Variants in BLCAP observed in about 807,000 individuals in gnomAD.
The protein encoded by BLCAP is BLCAP apoptosis inducing factor, also known as apoptosis inducing factor BLCAP.
Under a neutral mutation model 5.7 loss-of-function variants are expected in BLCAP, and 1 was observed. The ratio of observed to expected loss-of-function variants is 0.18; its 90% CI spans 0.06 to 0.83. The LOEUF (loss-of-function observed/expected upper bound fraction) is 0.83, where lower values mean the gene tolerates loss of function less well. Ranked by LOEUF, BLCAP falls within the 40% of genes least tolerant of loss-of-function variation. BLCAP has a pLI of 0.71. For missense variants in BLCAP, 66 were observed against 107.6 expected (o/e 0.61, Z 1.71); for synonymous variants, 48 against 49.4 (o/e 0.97, Z 0.11).
At position 37,521,629 on chromosome 20, in the gene BLCAP, A is replaced by C; in HGVS notation, c.-176-2279T>G. ...CGCCCGCGCCTGCCAGGGAACAAAG[A>C]CTCGGGGCGCGGCGGGCGACCGCTG... On this transcript the variant is annotated intron_variant, in intron 1 of 1. Transcript: ENST00000373537. This position sits in a 1 kb window ranked among gnomAD's most constrained non-coding sequence, Gnocchi z 4.5. The C allele has an allele frequency of 1.8e-6, 1 of 541,786 alleles. No individual in the cohort carries two copies. The highest frequency in any genetic ancestry group is 3.3e-6 in the Non-Finnish European group (1 of 302,918). The allele number at this position is 541,786 out of a possible 1,614,324, so 33.6% of individuals were successfully genotyped here. A position where few individuals can be genotyped will look rare whatever the true frequency, so the allele number is the denominator to read the frequency against.
chr20:37,521,183 C>G lies in BLCAP; in HGVS notation c.-176-1833G>C, dbSNP rs959242390. 5.2e-6 allele frequency: 4 copies of G among 767,824 alleles called. No homozygotes were observed. The highest frequency in any genetic ancestry group is 9.1e-6 in the Non-Finnish European group (4 of 441,230). 47.6% of individuals were successfully genotyped at this position (767,824 alleles called of 1,614,324 possible). A position where few individuals can be genotyped will look rare whatever the true frequency, so the allele number is the denominator to read the frequency against. Reference sequence around the variant, plus strand: ...CCAGCCACCCCTCCTCATAAACACCCCCCAAGGCGCGCATGCGCACTTAGG... The same window carrying G: ...CCAGCCACCCCTCCTCATAAACACCGCCCAAGGCGCGCATGCGCACTTAGG... On this transcript the variant is annotated intron_variant, in intron 1 of 1. Coordinates refer to ENST00000373537, the MANE Select transcript of BLCAP (RefSeq NM_006698.4). This position sits in a 1 kb window ranked among gnomAD's most constrained non-coding sequence, Gnocchi z 4.5.
intron 1 of BLCAP, chr20:37,520,596 T>TG (rs2071533845): frequency 6.6e-6 from 1 of 152,216 alleles, no homozygotes; most frequent in African/African-American, 2.4e-5. Context: ...AGATACCGGG[T>TG]GACTACTGCT....
intron 1 of BLCAP, chr20:37,522,269 T>C (rs1043453247): frequency 1.9e-5 from 19 of 991,674 alleles, no homozygotes; most frequent in Non-Finnish European, 2.8e-5. Context: ...GCTTTGCCCA[T>C]AAAATCATTT....
chr20:37,522,526 A>C, intron 1 of BLCAP: 1 of 1,381,586 alleles, frequency 7.2e-7, no homozygotes, highest in Non-Finnish European at 9.9e-7. Flanking sequence ...ACTCGTGGAC[A>C]AGCTGCGCCC....
chr20:37,522,243 T>C (rs945124667), intron 1 of BLCAP: 4 of 588,950 alleles, frequency 6.8e-6, no homozygotes, highest in African/African-American at 5.7e-5. Context: ...TAAAAAGAGA[T>C]AAATCAGAAG....
At chr20:37,522,525 C>T (rs1044264463) in intron 1 of BLCAP, 324 of 1,418,388 alleles carry the variant, frequency 2.3e-4, no homozygotes, top group Non-Finnish European at 2.9e-4. Context: ...GACTCGTGGA[C>T]AAGCTGCGCC....
chr20:37,522,381 C>T, intron 1 of BLCAP: 1 of 1,613,928 alleles, frequency 6.2e-7, no homozygotes, highest in Middle Eastern at 1.7e-4. Flanking sequence ...GCTGCATTTA[C>T]TGGGTAGGAT....
chr20:37,522,928 G>C, intron 1 of BLCAP: 1 of 592,736 alleles, frequency 1.7e-6, no homozygotes, highest in Non-Finnish European at 3.0e-6. Flanking sequence ...AAGCAGTACC[G>C]ACAATGACGA....
intron 1 of BLCAP, among the ~76,000 whole-genome samples, chr20:37,522,011 A>C (rs548718056): frequency 6.6e-6 from 1 of 151,948 alleles, no homozygotes; most frequent in South Asian, 2.1e-4. Context: ...TTGGCAGAAA[A>C]AAATGCATTA....
rs2071474120 is a variant in BLCAP, at chr20:37,519,278, A to G, written c.-104T>C. 1.5e-6 allele frequency: 2 copies of G among 1,365,706 alleles called. No individual in the cohort carries two copies. Among genetic ancestry groups the G allele is most frequent in the African/African-American group, 1.5e-5 (1 of 68,374 alleles). The allele number at this position is 1,365,706 out of a possible 1,614,324, so 84.6% of individuals were successfully genotyped here. On this transcript the variant is annotated 5_prime_UTR_variant, in exon 2 of 2. Coordinates refer to ENST00000373537, the MANE Select transcript of BLCAP (RefSeq NM_006698.4). ...AGGCGGCTGCCCTCCGCTTTCTTCA[A>G]CCCTCACTCTCCAGGAGCTGAGCCG...
In BLCAP at chr20:37,519,326, C is replaced by T. The variant is rs2071475807; in HGVS notation, c.-152G>A. ...CCGCTGTGCTCTCTGGCTGTCAGCC[C>T]GGGATCACCAAGGCAGCAGGGATCC... On this transcript the variant is annotated 5_prime_UTR_variant, in exon 2 of 2. Coordinates refer to ENST00000373537, the MANE Select transcript of BLCAP (RefSeq NM_006698.4). 3 of 817,588 alleles carry T rather than the reference C, an allele frequency of 3.7e-6. No individual in the cohort carries two copies. The highest frequency in any genetic ancestry group is 3.6e-5 in the African/African-American group (2 of 55,752). 50.6% of individuals were successfully genotyped at this position (817,588 alleles called of 1,614,324 possible). A position where few individuals can be genotyped will look rare whatever the true frequency, so the allele number is the denominator to read the frequency against.
chr20:37,521,585 G>A lies in BLCAP; in HGVS notation c.-176-2235C>T, dbSNP rs930909973. 2.8e-5 allele frequency: 18 copies of A among 637,016 alleles called. No homozygotes were observed. The highest frequency in any genetic ancestry group is 4.7e-5 in the Non-Finnish European group (17 of 364,692). The allele number at this position is 637,016 out of a possible 1,614,324, so 39.5% of individuals were successfully genotyped here. On this transcript the variant is annotated intron_variant, in intron 1 of 1. Transcript: ENST00000373537. The surrounding 1 kb of genome is among the most constrained non-coding windows in gnomAD (Gnocchi z 4.5). ...GCCCATTCCCTGCGCCGTCCTCCTC[G>A]CGCTGACCCTCCCTAGTGCGCCCGC...
In BLCAP at chr20:37,521,536, C is replaced by A; in HGVS notation, c.-176-2186G>T. The A allele has an allele frequency of 4.3e-6, 4 of 920,700 alleles. No homozygotes were observed. Among genetic ancestry groups the A allele is most frequent in the Non-Finnish European group, 6.8e-6 (4 of 585,638 alleles). 57.0% of individuals were successfully genotyped at this position (920,700 alleles called of 1,614,324 possible). ...CCGCGATCCTTGCCTGCCCAAGTGC[C>A]GCTGCCGGCACCGCGCGCCCCCTGC... On this transcript the variant is annotated intron_variant, in intron 1 of 1. Coordinates refer to ENST00000373537, the MANE Select transcript of BLCAP (RefSeq NM_006698.4). The surrounding 1 kb of genome is among the most constrained non-coding windows in gnomAD (Gnocchi z 4.5).
At chr20:37,527,589 G>T (rs911942202) in intron 1 of BLCAP, 14 of 152,398 alleles carry the variant, frequency 9.2e-5, no homozygotes, top group African/African-American at 3.4e-4. Flanking sequence ...GGCTGGGAAG[G>T]GACCCCCCAA....
In BLCAP at chr20:37,521,658, A is replaced by T. The variant is rs1460669468; in HGVS notation, c.-176-2308T>A. The T allele has an allele frequency of 2.0e-6, 1 of 507,856 alleles. No individual in the cohort carries two copies. Among genetic ancestry groups the T allele is most frequent in the African/African-American group, 2.0e-5 (1 of 50,742 alleles). The allele number at this position is 507,856 out of a possible 1,614,324, so 31.5% of individuals were successfully genotyped here. A position where few individuals can be genotyped will look rare whatever the true frequency, so the allele number is the denominator to read the frequency against. On this transcript the variant is annotated intron_variant, in intron 1 of 1. Coordinates refer to ENST00000373537, the MANE Select transcript of BLCAP (RefSeq NM_006698.4). The surrounding 1 kb of genome is among the most constrained non-coding windows in gnomAD (Gnocchi z 4.5). ...GGGGCGCGGCGGGCGACCGCTGCGGACGATCACCCAGGCATTTAGCGACCT... is the reference window on the plus strand; with the variant it reads ...GGGGCGCGGCGGGCGACCGCTGCGGTCGATCACCCAGGCATTTAGCGACCT...
At position 37,521,397 on chromosome 20, in the gene BLCAP, G is replaced by C; in HGVS notation, c.-176-2047C>G. ...TCGGCTGGTACATCTTCCGCGTGCT[G>C]CTGCAGGTAAGTCTGACGGGGTTTC... is the stretch of plus-strand genomic sequence containing the variant. On this transcript the variant is annotated intron_variant, in intron 1 of 1. Transcript: ENST00000373537. The surrounding 1 kb of genome is among the most constrained non-coding windows in gnomAD (Gnocchi z 4.5). 6.2e-7 allele frequency: 1 copy of C among 1,614,114 alleles called. No individual in the cohort carries two copies. Among genetic ancestry groups the C allele is most frequent in the Middle Eastern group, 1.6e-4 (1 of 6,062 alleles).
chr20:37,520,649 A>G (rs2071535587), intron 1 of BLCAP: 1 of 152,448 alleles, frequency 6.6e-6, no homozygotes, highest in African/African-American at 2.4e-5. Flanking sequence ...TCCCTACAGT[A>G]GCGACCTCCA....
chr20:37,522,953 T>C (rs995798497), intron 1 of BLCAP: 7 of 567,114 alleles, frequency 1.2e-5, no homozygotes, highest in Non-Finnish European at 2.2e-5. Flanking sequence ...ACCAGATCCC[T>C]TCCCAACCCC....
At chr20:37,527,276 T>C (rs954619338) in intron 1 of BLCAP, among the ~76,000 whole-genome samples, 1 of 152,064 alleles carries the variant, frequency 6.6e-6, no homozygotes, top group Non-Finnish European at 1.5e-5. Flanking sequence ...CCGCGACTCT[T>C]AGCAGAGCGT....
Sources: gnomAD v4.1 joint callset for allele counts (sites outside exome capture counted in the v4.1 genomes callset) on GRCh38, gnomAD v4.1.1 for gene constraint, Gnocchi (gnomAD v3.1) non-coding constraint, MANE v1.5 for transcripts, NCBI Gene and HGNC (gene_info 2026-07-23, HGNC 2026-07-21) for gene names.